Variants in GPC5 observed in about 807,000 individuals in gnomAD.
GPC5 encodes glypican 5.
In GPC5, 47 loss-of-function variants were observed where a neutral mutation model predicts 53.9. The observed-to-expected ratio is 0.87, with a 90% CI of 0.69 to 1.11. The LOEUF (loss-of-function observed/expected upper bound fraction) is 1.11, where lower values mean the gene tolerates loss of function less well. Ranked by LOEUF, GPC5 falls within the 50% of genes most tolerant of loss-of-function variation. The probability of loss-of-function intolerance (pLI) is 0.00; values close to 1 mark genes in which losing one functional copy is unlikely to be tolerated. For synonymous variants in GPC5, 286 were observed against 263.3 expected (o/e 1.09, Z -0.84); for missense variants, 748 against 713.1 (o/e 1.05, Z -0.56).
chr13:91,502,474 G>A (rs1884693073), intron 2 of GPC5, among the ~76,000 whole-genome samples: 1 of 152,132 alleles, frequency 6.6e-6, no homozygotes, highest in South Asian at 2.1e-4. Flanking sequence ...ACTGGAGGGA[G>A]GGGAGTAGTG....
At chr13:92,485,116 G>A (rs962766332) in intron 7 of GPC5, among the ~76,000 whole-genome samples, 5 of 152,172 alleles carry the variant, frequency 3.3e-5, no homozygotes, top group African/African-American at 1.2e-4. Flanking sequence ...TTAGAGGGAT[G>A]AAATGGAAGT....
At chr13:92,393,231 G>C (rs1875105276) in intron 7 of GPC5, among the ~76,000 whole-genome samples, 1 of 152,122 alleles carries the variant, frequency 6.6e-6, no homozygotes, top group Non-Finnish European at 1.5e-5. Flanking sequence ...AAAAAAGAAT[G>C]AGATCATGTC....
At chr13:91,432,200 CTGCTG>C (rs1879505289) in intron 1 of GPC5, among the ~76,000 whole-genome samples, 2 of 65,810 alleles carry the variant, frequency 3.0e-5, no homozygotes, top group East Asian at 4.8e-4. Context: ...GCTGCTGCTG[CTGCTG>C]TGTGTGTGTG....
chr13:91,737,781 G>C (rs1223440064), intron 4 of GPC5, among the ~76,000 whole-genome samples: 1 of 151,422 alleles, frequency 6.6e-6, no homozygotes, highest in Non-Finnish European at 1.5e-5. Flanking sequence ...TAGTCTTCCA[G>C]TATTCAACCT....
chr13:91,555,005 A>G (rs898909677), intron 2 of GPC5, among the ~76,000 whole-genome samples: 1 of 152,134 alleles, frequency 6.6e-6, no homozygotes, highest in African/African-American at 2.4e-5. Context: ...AAATGACTGA[A>G]GAACAGTATC....
chr13:92,527,252 AAAGAAAGAAAGAAAGAAAGAAAG>A (rs1881390046), intron 7 of GPC5, among the ~76,000 whole-genome samples: 1 of 98,300 alleles, frequency 1.0e-5, no homozygotes, highest in African/African-American at 5.3e-5. Flanking sequence ...AAAGAAAGAG[AAAGAAAGAAAGAAAGAAAGAAAG>A]AAAGAAAAAG....
intron 2 of GPC5, among the ~76,000 whole-genome samples, chr13:91,627,741 A>T (rs1220008813): frequency 6.6e-6 from 1 of 152,128 alleles, no homozygotes; most frequent in African/African-American, 2.4e-5. Flanking sequence ...GTAAGATGTG[A>T]TTTCATAAAA....
intron 6 of GPC5, among the ~76,000 whole-genome samples, chr13:91,962,130 G>A (rs9589381): frequency 0.047 from 7,152 of 152,148 alleles, 206 homozygotes; most frequent in Middle Eastern, 0.065. Flanking sequence ...AAATTTCATA[G>A]CTAGAAGGTC....
chr13:91,486,153 C>G (rs1883596656), intron 2 of GPC5: 1 of 152,190 alleles, frequency 6.6e-6, no homozygotes, highest in South Asian at 2.1e-4. Flanking sequence ...AGTTTCCTAT[C>G]TTTGTATAGT....
rs182704575 is a variant in GPC5, at chr13:92,198,169, T to C, written c.1561+53180T>C. On this transcript the variant is annotated intron_variant, in intron 7 of 7. Transcript: ENST00000377067. ...ATCCTATTATTTTACATCAGAGAAA[T>C]TATCCCAATCTAAAAATGTCTTGTT... is the stretch of plus-strand genomic sequence containing the variant. Among the ~76,000 whole-genome samples, 3 of 152,294 alleles carry C rather than the reference T, an allele frequency of 2.0e-5. No homozygotes were observed. In the East Asian group the frequency reaches 5.8e-4, roughly 29 times the overall value.
intron 6 of GPC5, among the ~76,000 whole-genome samples, chr13:92,022,001 T>C (rs2040762649): frequency 6.6e-6 from 1 of 152,108 alleles, no homozygotes; most frequent in African/African-American, 2.4e-5. Context: ...TATTTTATTG[T>C]ATTTATTTAT....
At chr13:92,215,691 G>A (rs544277882) in intron 7 of GPC5, among the ~76,000 whole-genome samples, 1 of 152,168 alleles carries the variant, frequency 6.6e-6, no homozygotes, top group Non-Finnish European at 1.5e-5. Context: ...GATGACCACA[G>A]CCCTTCATGG....
chr13:92,100,167 G>A (rs1372716186), intron 6 of GPC5, among the ~76,000 whole-genome samples: 4 of 152,174 alleles, frequency 2.6e-5, no homozygotes. Flanking sequence ...CACTTTGGGA[G>A]GCCGAGGTGG....
rs2036029339 is a variant in GPC5, at chr13:91,703,157, G to C, written c.1020+9276G>C. Among the ~76,000 whole-genome samples, 4 of 152,124 alleles carry C rather than the reference G, an allele frequency of 2.6e-5. No individual in the cohort carries two copies. The South Asian group carries it at 8.3e-4, about 32-fold the overall frequency. On this transcript the variant is annotated intron_variant, in intron 3 of 7. Coordinates refer to ENST00000377067, the MANE Select transcript of GPC5 (RefSeq NM_004466.6). ...TAACTGTTTCCCTTTTTATTTGGAT[G>C]CCTTTTATTGAGTTTTCTTGCCTAA...
At chr13:91,820,814 T>A (rs565997081) in intron 5 of GPC5, among the ~76,000 whole-genome samples, 14 of 151,958 alleles carry the variant, frequency 9.2e-5, no homozygotes, top group Non-Finnish European at 1.3e-4. Flanking sequence ...ATACAAAAAA[T>A]TAGCCGGGCG....
At chr13:92,070,364 T>G (rs1019474348) in intron 6 of GPC5, among the ~76,000 whole-genome samples, 1 of 152,214 alleles carries the variant, frequency 6.6e-6, no homozygotes, top group Non-Finnish European at 1.5e-5. Context: ...ATAAACTTCA[T>G]GCTTTCCTCT....
intron 4 of GPC5, among the ~76,000 whole-genome samples, chr13:91,745,634 T>G (rs775725487): frequency 6.6e-6 from 1 of 152,118 alleles, no homozygotes; most frequent in Non-Finnish European, 1.5e-5. Context: ...AAAATCTGTC[T>G]CTTTGAGAAA....
At chr13:92,324,333 A>T (rs1043125955) in intron 7 of GPC5, among the ~76,000 whole-genome samples, 2 of 151,976 alleles carry the variant, frequency 1.3e-5, no homozygotes, top group Non-Finnish European at 2.9e-5. Context: ...TGATATTTTC[A>T]ATGTTAACCC....
chr13:91,519,241 C>G (rs1290576023), intron 2 of GPC5, among the ~76,000 whole-genome samples: 1 of 152,134 alleles, frequency 6.6e-6, no homozygotes, highest in Non-Finnish European at 1.5e-5. Context: ...ATCCCTGCAC[C>G]AGTGGGAAGT....
Sources: allele counts gnomAD v4.1 joint callset (sites outside exome capture counted in the v4.1 genomes callset), GRCh38; gene constraint gnomAD v4.1.1; transcripts MANE v1.5; gene names NCBI Gene and HGNC (gene_info 2026-07-23, HGNC 2026-07-21).